The following ARHGAP42 variants were observed in gnomAD, a reference collection of about 807,000 sequenced individuals.
ARHGAP42 encodes the protein rho GTPase-activating protein 42.
ARHGAP42 carries 63 observed loss-of-function variants against 125.0 expected under a neutral mutation model. The ratio of observed to expected loss-of-function variants is 0.50; its 90% confidence interval spans 0.41 to 0.62. The LOEUF (loss-of-function observed/expected upper bound fraction) is 0.62, where lower values mean the gene tolerates loss of function less well. Ranked by LOEUF, ARHGAP42 falls within the 20% of genes least tolerant of loss-of-function variation. The pLI is 0.00. For missense variants in ARHGAP42, 766 were observed against 1,024.2 expected (o/e 0.75, Z 3.44); for synonymous variants, 339 against 351.0 (o/e 0.97, Z 0.38).
chr11:100,977,318 G>A (rs1258008122), intron 21 of ARHGAP42, among the ~76,000 whole-genome samples: 1 of 152,174 alleles, frequency 6.6e-6, no homozygotes, highest in African/African-American at 2.4e-5. Context: ...CTCCGCTGAA[G>A]AGACTGCCAC....
chr11:100,745,817 C>T lies in ARHGAP42; in HGVS notation c.155-24526C>T, dbSNP rs935277658. ...AGCATCTCTAGTGTAGTTAATAGAT[C>T]GCTTTTGGTTGTAATAGATGTAGTT... On this transcript the variant is annotated intron_variant, in intron 1 of 23. Coordinates refer to ENST00000298815, the MANE Select transcript of ARHGAP42 (RefSeq NM_152432.4). Among the ~76,000 whole-genome samples the T allele has an allele frequency of 2.0e-4, 30 of 152,274 alleles. 1 individual carries two copies. The highest frequency in any genetic ancestry group is 5.5e-4 in the African/African-American group (23 of 41,554).
At chr11:100,743,110 G>A (rs1466006693) in intron 1 of ARHGAP42, among the ~76,000 whole-genome samples, 1 of 152,086 alleles carries the variant, frequency 6.6e-6, no homozygotes, top group East Asian at 1.9e-4. Context: ...CAATTATCAT[G>A]TTAAGTGTTA....
chr11:100,792,856 C>T (rs187509433), intron 2 of ARHGAP42, among the ~76,000 whole-genome samples: 3 of 151,868 alleles, frequency 2.0e-5, no homozygotes, highest in Non-Finnish European at 2.9e-5. Flanking sequence ...GGGTTCACGC[C>T]GTTCTCCTGC....
At chr11:100,761,784 A>C (rs1295732283) in intron 1 of ARHGAP42, among the ~76,000 whole-genome samples, 1 of 152,254 alleles carries the variant, frequency 6.6e-6, no homozygotes, top group Non-Finnish European at 1.5e-5. Flanking sequence ...ATTTGCCATC[A>C]TAATAAATAA....
chr11:100,908,429 T>G (rs1866813841), intron 4 of ARHGAP42, among the ~76,000 whole-genome samples: 1 of 152,220 alleles, frequency 6.6e-6, no homozygotes, highest in Admixed American at 6.5e-5. Context: ...CAGTGTCTAT[T>G]ACTCCACTCT....
rs1861098189 is a variant in ARHGAP42, at chr11:100,687,329, CCGGAAGTGTCTGCG to C, written c.-347_-334del. Reference sequence around the variant, plus strand: ...TCAAGAGAGTTGGGGAGTGGAACTGCCGGAAGTGTCTGCGCGCCGTGAGAGAAACTTTCCTGCTC... The same window carrying C: ...TCAAGAGAGTTGGGGAGTGGAACTGCCGCCGTGAGAGAAACTTTCCTGCTC... On this transcript the variant is annotated 5_prime_UTR_variant, in exon 1 of 24. Coordinates refer to ENST00000298815, the MANE Select transcript of ARHGAP42 (RefSeq NM_152432.4). Among the ~76,000 whole-genome samples the C allele has an allele frequency of 1.3e-5, 2 of 152,114 alleles. No homozygotes were observed. Among genetic ancestry groups the C allele is most frequent in the Admixed American group, 6.5e-5 (1 of 15,278 alleles).
rs1359877665 is a variant in ARHGAP42, at chr11:100,948,580, T to C, written c.1122+45T>C. The stretch of plus-strand genomic sequence containing the variant: ...TATAATTTAGGTTTTATTGTCCTAA[T>C]AATTATAATGTATGGAAATTCTTTT... On this transcript the variant is annotated intron_variant, in intron 11 of 23. Coordinates refer to ENST00000298815, the MANE Select transcript of ARHGAP42 (RefSeq NM_152432.4). 24 of 1,350,244 alleles carry C rather than the reference T, an allele frequency of 1.8e-5. No homozygotes were observed. The East Asian group carries it at 6.0e-4, about 34-fold the overall frequency. The allele number at this position is 1,350,244 out of a possible 1,614,324, so 83.6% of individuals were successfully genotyped here. A position where few individuals can be genotyped will look rare whatever the true frequency, so the allele number is the denominator to read the frequency against.
intron 22 of ARHGAP42, among the ~76,000 whole-genome samples, chr11:100,980,755 G>A (rs1176779123): frequency 7.1e-6 from 1 of 141,346 alleles, no homozygotes; most frequent in African/African-American, 2.5e-5. Flanking sequence ...AATTTTAGTA[G>A]AGACAGGGTT....
intron 4 of ARHGAP42, among the ~76,000 whole-genome samples, chr11:100,911,682 C>G (rs1417552948): frequency 6.6e-6 from 1 of 152,110 alleles, no homozygotes; most frequent in African/African-American, 2.4e-5. Context: ...ATGAGAAATT[C>G]ACCTGGGTAT....
chr11:100,833,208 A>T (rs1591220118), intron 3 of ARHGAP42, among the ~76,000 whole-genome samples: 2 of 152,208 alleles, frequency 1.3e-5, no homozygotes, highest in Admixed American at 1.3e-4. Flanking sequence ...GGTTGAAATA[A>T]ATAGGACCAA....
At chr11:100,763,537 G>A (rs1196222869) in intron 1 of ARHGAP42, among the ~76,000 whole-genome samples, 1 of 152,172 alleles carries the variant, frequency 6.6e-6, no homozygotes, top group East Asian at 1.9e-4. Context: ...TCCTAGGCTG[G>A]AGTGCAGTGG....
intron 3 of ARHGAP42, among the ~76,000 whole-genome samples, chr11:100,842,214 C>T (rs973730128): frequency 6.6e-6 from 1 of 152,156 alleles, no homozygotes; most frequent in African/African-American, 2.4e-5. Flanking sequence ...TGAGCATACA[C>T]TTAAATATAG....
intron 3 of ARHGAP42, among the ~76,000 whole-genome samples, chr11:100,841,514 C>A (rs1414110734): frequency 6.6e-6 from 1 of 152,054 alleles, no homozygotes; most frequent in Non-Finnish European, 1.5e-5. Context: ...ATATAATTTT[C>A]ATCCTTTATT....
intron 5 of ARHGAP42, among the ~76,000 whole-genome samples, chr11:100,918,776 G>A (rs139555366): frequency 6.6e-5 from 10 of 152,262 alleles, no homozygotes; most frequent in African/African-American, 9.6e-5. Context: ...TCAGTAGTCC[G>A]CATTGGAGGC....
intron 4 of ARHGAP42, among the ~76,000 whole-genome samples, chr11:100,888,251 T>C (rs752117888): frequency 9.2e-5 from 14 of 152,080 alleles, no homozygotes; most frequent in African/African-American, 1.4e-4. Flanking sequence ...AAAAAAAGCT[T>C]TTCCATAATT....
chr11:100,836,993 G>T (rs1413231468), intron 3 of ARHGAP42, among the ~76,000 whole-genome samples: 13 of 151,922 alleles, frequency 8.6e-5, no homozygotes, highest in Admixed American at 8.5e-4. Context: ...CGACTTCATT[G>T]TATCAGGTTC....
At chr11:100,737,055 T>G (rs1013051398) in intron 1 of ARHGAP42, among the ~76,000 whole-genome samples, 2 of 152,128 alleles carry the variant, frequency 1.3e-5, no homozygotes, top group Non-Finnish European at 2.9e-5. Flanking sequence ...AGATAACTAT[T>G]CTATGTTAAA....
chr11:100,888,490 C>A (rs2135187949), intron 4 of ARHGAP42, among the ~76,000 whole-genome samples: 1 of 151,980 alleles, frequency 6.6e-6, no homozygotes, highest in East Asian at 1.9e-4. Context: ...TGTGTATATT[C>A]CTAATATTCT....
intron 2 of ARHGAP42, among the ~76,000 whole-genome samples, chr11:100,779,145 T>G (rs1863204658): frequency 6.6e-6 from 1 of 152,042 alleles, no homozygotes; most frequent in Non-Finnish European, 1.5e-5. Context: ...GAGCCTTATA[T>G]TAACAATAAT....
Sources: gnomAD v4.1 joint callset for allele counts (sites outside exome capture counted in the v4.1 genomes callset) on GRCh38, gnomAD v4.1.1 for gene constraint, MANE v1.5 for transcripts, NCBI Gene and HGNC (gene_info 2026-07-23, HGNC 2026-07-21) for gene names.